Variants in ZNF678 observed in about 807,000 individuals in gnomAD.
ZNF678 encodes hypothetical protein MGC42493.
A neutral mutation model predicts 3.0 loss-of-function variants in ZNF678; 5 were observed. The observed-to-expected ratio is 1.69, with a 90% confidence interval of 0.88 to 3.56. The LOEUF (loss-of-function observed/expected upper bound fraction) is 3.56. ZNF678 is among the 30% of genes most tolerant of loss of function. ZNF678 has a pLI of 0.00. For missense variants in ZNF678, 593 were observed against 605.0 expected, an observed-to-expected ratio of 0.98 and a Z score of 0.21; for synonymous variants, 218 against 199.6, an observed-to-expected ratio of 1.09 and a Z score of -0.78.
chr1:227,605,998 T>G (rs1657858265), intron 1 of ZNF678, among the ~76,000 whole-genome samples: 1 of 152,212 alleles, frequency 6.6e-6, no homozygotes, highest in Non-Finnish European at 1.5e-5. Context: ...TTATTTATTA[T>G]CTCCTTTTTA....
intron 1 of ZNF678, chr1:227,598,701 T>C: frequency 1.9e-6 from 1 of 523,584 alleles, no homozygotes; most frequent in South Asian, 1.8e-5. Context: ...TTTTAAACTA[T>C]CCTTACTGTC....
intron 2 of ZNF678, among the ~76,000 whole-genome samples, chr1:227,648,682 G>T (rs138551252): frequency 6.6e-6 from 1 of 152,122 alleles, no homozygotes; most frequent in Non-Finnish European, 1.5e-5. Flanking sequence ...AGCTGGGCAT[G>T]GTGGCAGGTG....
At chr1:227,601,000 T>A (rs958299451) in intron 1 of ZNF678, among the ~76,000 whole-genome samples, 1 of 152,238 alleles carries the variant, frequency 6.6e-6, no homozygotes, top group African/African-American at 2.4e-5. Context: ...GCTAGCCAGT[T>A]CTCCCAGCAT....
In ZNF678 at chr1:227,656,804, C is replaced by G. The variant is rs1659260181; in HGVS notation, c.*976C>G. 1 of 151,878 alleles carries G rather than the reference C, an allele frequency of 6.6e-6. No homozygotes were observed. Among genetic ancestry groups the G allele is most frequent in the South Asian group, 2.1e-4 (1 of 4,828 alleles). The allele number at this position is 151,878 out of a possible 1,614,324, so 9.4% of individuals were successfully genotyped here. A position where few individuals can be genotyped will look rare whatever the true frequency, so the allele number is the denominator to read the frequency against. On this transcript the variant is annotated 3_prime_UTR_variant, in exon 4 of 4. Transcript: ENST00000343776. ...AAATGTTATTTTTAGAATGCAATTT[C>G]TTTTCATAAAACAAAATTATTTTTA...
chr1:227,602,644 T>A (rs538824566), intron 1 of ZNF678, among the ~76,000 whole-genome samples: 1 of 152,340 alleles, frequency 6.6e-6, no homozygotes, highest in South Asian at 2.1e-4. Flanking sequence ...AATTACTGTT[T>A]GTTTATAACA....
intron 1 of ZNF678, among the ~76,000 whole-genome samples, chr1:227,606,647 G>A (rs1657879181): frequency 1.3e-5 from 2 of 152,032 alleles, no homozygotes; most frequent in African/African-American, 4.8e-5. Flanking sequence ...CCCTTCCCAC[G>A]AGGCCATATC....
intron 1 of ZNF678, among the ~76,000 whole-genome samples, chr1:227,569,899 T>G (rs1656792221): frequency 6.6e-6 from 1 of 152,250 alleles, no homozygotes; most frequent in African/African-American, 2.4e-5. Context: ...ACACCTCTTT[T>G]CATTTTTATG....
chr1:227,643,722 T>C (rs956629756), intron 1 of ZNF678, among the ~76,000 whole-genome samples: 2 of 152,128 alleles, frequency 1.3e-5, no homozygotes, highest in African/African-American at 4.8e-5. Flanking sequence ...TCAGATTCAG[T>C]AGTTGCTCTC....
intron 1 of ZNF678, among the ~76,000 whole-genome samples, chr1:227,645,246 A>C (rs985175353): frequency 2.0e-4 from 30 of 152,316 alleles, no homozygotes; most frequent in South Asian, 6.2e-4. Context: ...CATATTCTCA[A>C]GATGTGTGAT....
intron 1 of ZNF678, among the ~76,000 whole-genome samples, chr1:227,571,613 A>G (rs538626664): frequency 1.3e-5 from 2 of 152,258 alleles, no homozygotes; most frequent in Non-Finnish European, 2.9e-5. Flanking sequence ...ATGTTACATG[A>G]TAAAGCCCCA....
At chr1:227,574,741 A>G (rs2102720213) in intron 1 of ZNF678, among the ~76,000 whole-genome samples, 1 of 152,010 alleles carries the variant, frequency 6.6e-6, no homozygotes, top group Middle Eastern at 3.4e-3. Context: ...GCCCATTTTT[A>G]TGTCCTGAAT....
chr1:227,649,550 A>G (rs1371125488), intron 2 of ZNF678, among the ~76,000 whole-genome samples: 1 of 152,198 alleles, frequency 6.6e-6, no homozygotes, highest in Non-Finnish European at 1.5e-5. Context: ...AGGTTTCACC[A>G]TGTTGGCCAG....
At chr1:227,572,218 A>G (rs564320601) in intron 1 of ZNF678, among the ~76,000 whole-genome samples, 20 of 152,392 alleles carry the variant, frequency 1.3e-4, no homozygotes, top group African/African-American at 4.1e-4. Context: ...CAGCCCCATG[A>G]TCTAAATCCA....
intron 5 of ZNF678, among the ~76,000 whole-genome samples, chr1:227,670,109 A>G (rs1050448328): frequency 1.2e-4 from 18 of 152,216 alleles, no homozygotes; most frequent in African/African-American, 4.1e-4. Flanking sequence ...AAAACCAAAT[A>G]CCACGTGTTC....
intron 1 of ZNF678, among the ~76,000 whole-genome samples, chr1:227,579,828 C>T (rs558841494): frequency 2.6e-4 from 40 of 152,292 alleles, no homozygotes; most frequent in Middle Eastern, 3.4e-3. Flanking sequence ...GAGATCAGAT[C>T]TGACAGTTCC....
chr1:227,588,188 T>G (rs549780185), intron 1 of ZNF678, among the ~76,000 whole-genome samples: 52 of 152,330 alleles, frequency 3.4e-4, no homozygotes, highest in African/African-American at 1.2e-3. Flanking sequence ...CTGCATAGTA[T>G]TCCATGGTGT....
In ZNF678 at chr1:227,655,302, G is replaced by A. The variant is rs61740826; in HGVS notation, c.1052G>A (p.Cys351Tyr). ...RIHTGEKPYKCEECGRTFTQF... is the reference protein window; with the variant it reads ...RIHTGEKPYKYEECGRTFTQF... ...CATACTGGAGAGAAACCCTACAAAT[G>A]TGAAGAATGTGGCAGAACCTTTACT... The change falls in exon 4 of 4, where the codon TGT (cysteine) becomes TAT (tyrosine). Residue 351 changes from cysteine to tyrosine, a missense_variant. By Grantham distance (194) the Cys-to-Tyr change is radical (BLOSUM62 -2). Coordinates refer to ENST00000343776, the MANE Select transcript of ZNF678 (RefSeq NM_001367909.1). The A allele has an allele frequency of 0.02, 32,638 of 1,612,794 alleles. 460 individuals are homozygous for A. Among genetic ancestry groups the A allele is most frequent in the South Asian group, 0.036 (3,263 of 90,978 alleles).
chr1:227,651,117 CT>C, intron 3 of ZNF678, 41 bp downstream of exon 3: 1 of 1,603,352 alleles, frequency 6.2e-7, no homozygotes. Context: ...CTGATGAGAT[CT>C]TTTCTGGGTT....
downstream of ZNF678, among the ~76,000 whole-genome samples, chr1:227,664,704 T>C (rs1307976263): frequency 1.3e-5 from 2 of 152,080 alleles, no homozygotes; most frequent in Non-Finnish European, 2.9e-5. Context: ...TGGGGCTGTC[T>C]CTAGAATGTA....
Sources: allele counts gnomAD v4.1 joint callset (sites outside exome capture counted in the v4.1 genomes callset), GRCh38; gene constraint gnomAD v4.1.1; transcripts MANE v1.5; gene names NCBI Gene and HGNC (gene_info 2026-07-23, HGNC 2026-07-21).